DYNC2H1: variants seen among roughly 807,000 people sequenced by gnomAD.
DYNC2H1 encodes the protein cytoplasmic dynein 2 heavy chain 1.
A neutral mutation model predicts 570.0 loss-of-function variants in DYNC2H1; 410 were observed. The ratio of observed to expected loss-of-function variants is 0.72; its 90% CI spans 0.66 to 0.78. The LOEUF is 0.78. DYNC2H1 is among the 30% of genes least tolerant of loss of function. DYNC2H1 has a pLI of 0.00. For synonymous variants in DYNC2H1, 1,688 were observed against 1,677.6 expected, an observed-to-expected ratio of 1.01 and a Z score of -0.15; for missense variants, 4,865 against 5,046.4, an observed-to-expected ratio of 0.96 and a Z score of 1.09.
At chr11:103,349,624 G>C (rs944918622) in intron 82 of DYNC2H1, among the ~76,000 whole-genome samples, 2 of 152,136 alleles carry the variant, frequency 1.3e-5, no homozygotes, top group Non-Finnish European at 2.9e-5. Flanking sequence ...CTCAGTATTT[G>C]AAAACTGATA....
intron 77 of DYNC2H1, among the ~76,000 whole-genome samples, chr11:103,306,974 A>T (rs1035509459): frequency 6.6e-6 from 1 of 152,190 alleles, no homozygotes; most frequent in East Asian, 1.9e-4. Flanking sequence ...ACAAAATGAC[A>T]TGGGTCATTA....
At chr11:103,426,846 T>C (rs1040576369) in intron 84 of DYNC2H1, among the ~76,000 whole-genome samples, 1 of 152,220 alleles carries the variant, frequency 6.6e-6, no homozygotes, top group Non-Finnish European at 1.5e-5. Context: ...TTCTAATTTA[T>C]ATTAATAGCC....
intron 17 of DYNC2H1, among the ~76,000 whole-genome samples, chr11:103,137,961 T>C (rs1381112014): frequency 6.6e-6 from 1 of 150,866 alleles, no homozygotes; most frequent in Non-Finnish European, 1.5e-5. Flanking sequence ...TAAGTTGGAT[T>C]CCTAGGTATT....
chr11:103,278,136 G>A (rs1465061612), intron 70 of DYNC2H1, among the ~76,000 whole-genome samples: 1 of 151,910 alleles, frequency 6.6e-6, no homozygotes, highest in African/African-American at 2.4e-5. Context: ...ATTTGTAGCT[G>A]GAATGTTTTG....
chr11:103,478,961 G>T (rs1245455584), intron 88 of DYNC2H1, 134 bp from the exon 89 acceptor site: 2 of 996,132 alleles, frequency 2.0e-6, no homozygotes, highest in Non-Finnish European at 1.4e-6. Context: ...GTTGCAGGGG[G>T]ATGATAGGGG....
At chr11:103,274,055 T>C (rs1240682865) in intron 70 of DYNC2H1, among the ~76,000 whole-genome samples, 1 of 152,026 alleles carries the variant, frequency 6.6e-6, no homozygotes, top group East Asian at 1.9e-4. Context: ...AGAGACTACA[T>C]TGTTCTTCCT....
At chr11:103,212,981 T>G (rs1175114411) in intron 54 of DYNC2H1, among the ~76,000 whole-genome samples, 2 of 152,136 alleles carry the variant, frequency 1.3e-5, no homozygotes, top group Non-Finnish European at 2.9e-5. Context: ...GGGTGCTCAA[T>G]AGTTATTAAT....
At chr11:103,139,671 T>C (rs1342430826) in intron 17 of DYNC2H1, among the ~76,000 whole-genome samples, 1 of 151,754 alleles carries the variant, frequency 6.6e-6, no homozygotes, top group African/African-American at 2.4e-5. Context: ...TGGTGTGGTG[T>C]TGAAAAAAAT....
At chr11:103,431,909 G>A (rs1943906590) in intron 84 of DYNC2H1, among the ~76,000 whole-genome samples, 1 of 152,094 alleles carries the variant, frequency 6.6e-6, no homozygotes, top group Non-Finnish European at 1.5e-5. Context: ...GAGAAGAATT[G>A]GGCCCTTTCT....
At chr11:103,210,475 A>C (rs1407284111) in intron 53 of DYNC2H1, among the ~76,000 whole-genome samples, 2 of 152,006 alleles carry the variant, frequency 1.3e-5, no homozygotes, top group Non-Finnish European at 2.9e-5. Context: ...TAATAATCAA[A>C]TATTTATTGA....
intron 73 of DYNC2H1, among the ~76,000 whole-genome samples, chr11:103,284,606 A>C (rs1453938727): frequency 6.6e-6 from 1 of 152,206 alleles, no homozygotes; most frequent in Non-Finnish European, 1.5e-5. Context: ...GACCACCATC[A>C]AGCATTACTT....
At chr11:103,238,169 G>A (rs1030775420) in intron 63 of DYNC2H1, among the ~76,000 whole-genome samples, 2 of 152,212 alleles carry the variant, frequency 1.3e-5, no homozygotes, top group Admixed American at 6.6e-5. Flanking sequence ...CACCATGTAC[G>A]TAAAATTAAA....
At position 103,109,469 on chromosome 11, in the gene DYNC2H1, G is replaced by T; in HGVS notation, c.-106G>T. The T allele has an allele frequency of 1.8e-6, 2 of 1,123,516 alleles. No individual in the cohort carries two copies. Among genetic ancestry groups the T allele is most frequent in the South Asian group, 1.8e-5 (1 of 56,526 alleles). 69.6% of individuals were successfully genotyped at this position (1,123,516 alleles called of 1,614,324 possible). ...AACCGCGAAGCTCTGCGGTCCCGCG[G>T]TCGGGCTACGGGTTTGAGCAAAGCT... On this transcript the variant is annotated 5_prime_UTR_variant, in exon 1 of 89. Coordinates refer to ENST00000375735, the MANE Select transcript of DYNC2H1 (RefSeq NM_001377.3).
In DYNC2H1 at chr11:103,324,260, A is replaced by G. The variant is rs889475674; in HGVS notation, c.12039+270A>G. The stretch of plus-strand genomic sequence containing the variant: ...GTCGTAAGGGTTTGGTGTACAGATT[A>G]TTTTATCACGTAGGTAATAAGTATA... On this transcript the variant is annotated intron_variant, in intron 82 of 88. Transcript: ENST00000375735. The surrounding 1 kb of genome is among the most constrained non-coding windows in gnomAD (Gnocchi z 5.2). Among the ~76,000 whole-genome samples the G allele has an allele frequency of 1.3e-5, 2 of 152,146 alleles. No homozygotes were observed. The highest frequency in any genetic ancestry group is 4.8e-5 in the African/African-American group (2 of 41,414).
chr11:103,198,695 C>T (rs1263650473), intron 48 of DYNC2H1, among the ~76,000 whole-genome samples: 2 of 152,100 alleles, frequency 1.3e-5, no homozygotes, highest in Admixed American at 6.6e-5. Context: ...AGTTTTGAAG[C>T]GTTGAAAGTT....
chr11:103,364,789 C>A (rs1306606347), intron 83 of DYNC2H1, among the ~76,000 whole-genome samples: 1 of 152,116 alleles, frequency 6.6e-6, no homozygotes, highest in African/African-American at 2.4e-5. Context: ...ACCTCCTCCC[C>A]ACAGTCTCCA....
intron 10 of DYNC2H1, among the ~76,000 whole-genome samples, chr11:103,122,387 A>G (rs1315618250): frequency 6.6e-6 from 1 of 152,212 alleles, no homozygotes; most frequent in African/African-American, 2.4e-5. Context: ...ACAGTTGTGG[A>G]GGAAAGGCAT....
Position 103,188,511 on chromosome 11 carries a change from A to G in DYNC2H1, c.7155A>G (p.Gln2385=). The part of the protein sequence containing the change: ...VAFLQQVLTY[Q]GFYDENLEWV... ...TTTTCAAATAGGTATTGACGTATCA[A>G]GGATTTTATGATGAAAATTTGGAAT... Residue 2385 remains glutamine (Q), a synonymous_variant, in exon 44 of 89, where the codon CAA becomes CAG. Coordinates refer to ENST00000375735, the MANE Select transcript of DYNC2H1 (RefSeq NM_001377.3). 6.2e-7 allele frequency: 1 copy of G among 1,604,306 alleles called. No individual in the cohort carries two copies. Among genetic ancestry groups the G allele is most frequent in the Non-Finnish European group, 8.5e-7 (1 of 1,173,442 alleles).
chr11:103,177,080 T>G lies in DYNC2H1; in HGVS notation c.5875-476T>G, dbSNP rs185988337. Among the ~76,000 whole-genome samples the G allele has an allele frequency of 1.3e-5, 2 of 152,124 alleles. No individual in the cohort carries two copies. Among genetic ancestry groups the G allele is most frequent in the East Asian group, 3.9e-4 (2 of 5,180 alleles). Reference sequence around the variant, plus strand: ...ACCTAATGTGTAATGGATTCATCATTTTTTTATAATTGATTATATATATGA... The same window carrying G: ...ACCTAATGTGTAATGGATTCATCATGTTTTTATAATTGATTATATATATGA... On this transcript the variant is annotated intron_variant, in intron 37 of 88. Coordinates refer to ENST00000375735, the MANE Select transcript of DYNC2H1 (RefSeq NM_001377.3). The surrounding 1 kb of genome is among the most constrained non-coding windows in gnomAD (Gnocchi z 4.4).
Sources: gnomAD v4.1 joint callset for allele counts (sites outside exome capture counted in the v4.1 genomes callset) on GRCh38, gnomAD v4.1.1 for gene constraint, Gnocchi (gnomAD v3.1) non-coding constraint, MANE v1.5 for transcripts, NCBI Gene and HGNC (gene_info 2026-07-23, HGNC 2026-07-21) for gene names.